Variants in CPQ observed in about 807,000 individuals in gnomAD.
CPQ encodes Ser-Met dipeptidase.
In CPQ, 37 loss-of-function variants were observed where a neutral mutation model predicts 45.7. The observed-to-expected ratio is 0.81, with a 90% confidence interval of 0.62 to 1.07. The LOEUF is 1.07. Ranked by LOEUF, CPQ falls within the 50% of genes least tolerant of loss-of-function variation. The pLI is 0.00. For missense variants in CPQ, 537 were observed against 572.9 expected, an observed-to-expected ratio of 0.94 and a Z score of 0.64; for synonymous variants, 186 against 205.8, an observed-to-expected ratio of 0.90 and a Z score of 0.82.
At chr8:96,794,070 A>G (rs1179300547) in intron 2 of CPQ, among the ~76,000 whole-genome samples, 1 of 152,182 alleles carries the variant, frequency 6.6e-6, no homozygotes, top group Non-Finnish European at 1.5e-5. Context: ...TCTTGAGGAC[A>G]GTGGCCCTCT....
chr8:96,710,188 T>C (rs558646968), intron 1 of CPQ, among the ~76,000 whole-genome samples: 4 of 151,018 alleles, frequency 2.6e-5, no homozygotes, highest in South Asian at 4.2e-4. Context: ...GAAGTGTTCA[T>C]AGTAGTCTCG....
At chr8:97,127,439 A>G (rs112398250) in intron 7 of CPQ, among the ~76,000 whole-genome samples, 1 of 152,174 alleles carries the variant, frequency 6.6e-6, no homozygotes, top group Admixed American at 6.5e-5. Flanking sequence ...GTGGCTCCCA[A>G]CACTTTGGGA....
rs767885584 is a variant in CPQ, at chr8:96,834,981, G to A, written c.442G>A (p.Ala148Thr). 1.9e-6 allele frequency: 3 copies of A among 1,612,078 alleles called. No homozygotes were observed. Among genetic ancestry groups the A allele is most frequent in the Non-Finnish European group, 2.5e-6 (3 of 1,179,184 alleles). Residue 148 changes from alanine to threonine, a missense_variant, in exon 3 of 8, where the codon GCA becomes ACA. Transcript: ENST00000220763. ...ATGACTTTTATTTCTAGGCATTACAGCAGAAGTTCTGGTGGTGACCTCTTT... is the reference window on the plus strand; with the variant it reads ...ATGACTTTTATTTCTAGGCATTACAACAGAAGTTCTGGTGGTGACCTCTTT... ...SIGTPPEGIT[A>T]EVLVVTSFDE...
intron 3 of CPQ, among the ~76,000 whole-genome samples, chr8:96,844,101 T>G (rs756476725): frequency 6.6e-6 from 1 of 152,242 alleles, no homozygotes; most frequent in Non-Finnish European, 1.5e-5. Flanking sequence ...CATGTTTTTC[T>G]GAATCTCTAG....
At position 97,115,545 on chromosome 8, in the gene CPQ, A is replaced by G. The variant is rs146956198; in HGVS notation, c.1256-27475A>G. On this transcript the variant is annotated intron_variant, in intron 7 of 7. Coordinates refer to ENST00000220763, the MANE Select transcript of CPQ (RefSeq NM_016134.4). ...GTTGTTGAAACCAGACTTCATGGCA[A>G]TTTGAAAACGTCTGTGCCATTTTTA... is the stretch of plus-strand genomic sequence containing the variant. 2.0e-3 allele frequency among the ~76,000 whole-genome samples: 307 copies of G among 152,356 alleles called. 2 individuals are homozygous for G. Among genetic ancestry groups the G allele is most frequent in the African/African-American group, 7.2e-3 (299 of 41,590 alleles).
intron 6 of CPQ, among the ~76,000 whole-genome samples, chr8:97,064,946 C>T (rs1810613094): frequency 1.3e-5 from 2 of 152,144 alleles, no homozygotes; most frequent in South Asian, 4.1e-4. Flanking sequence ...CAGATCCTTT[C>T]CTATAAAACA....
intron 1 of CPQ, among the ~76,000 whole-genome samples, chr8:96,758,720 T>C (rs1285442279): frequency 1.3e-5 from 2 of 152,176 alleles, no homozygotes; most frequent in Non-Finnish European, 2.9e-5. Context: ...TCTTCTTTTT[T>C]GTTTTCTGTT....
chr8:96,765,153 G>A (rs1331803879), intron 1 of CPQ, among the ~76,000 whole-genome samples: 3 of 152,146 alleles, frequency 2.0e-5, no homozygotes, highest in South Asian at 4.1e-4. Flanking sequence ...AGTGTTTGGC[G>A]CAATAGCCCA....
intron 7 of CPQ, among the ~76,000 whole-genome samples, chr8:97,093,283 C>T (rs186992000): frequency 3.9e-5 from 6 of 152,268 alleles, no homozygotes; most frequent in Admixed American, 3.9e-4. Flanking sequence ...GAACTTAAAA[C>T]AGGACCTACC....
intron 2 of CPQ, among the ~76,000 whole-genome samples, chr8:96,795,320 A>T (rs1048284278): frequency 1.9e-4 from 29 of 152,070 alleles, no homozygotes; most frequent in Non-Finnish European, 3.2e-4. Context: ...AAACGATGAG[A>T]TCTTGTGAGA....
intron 1 of CPQ, among the ~76,000 whole-genome samples, chr8:96,705,019 G>A (rs566397956): frequency 3.3e-5 from 5 of 152,238 alleles, no homozygotes; most frequent in Admixed American, 3.3e-4. Context: ...AGAGTGTAGA[G>A]TAACAAAAAC....
At chr8:96,894,435 G>T (rs140499288) in intron 4 of CPQ, among the ~76,000 whole-genome samples, 142 of 152,282 alleles carry the variant, frequency 9.3e-4, no homozygotes, top group Admixed American at 1.6e-3. Context: ...GGAACTTATA[G>T]GTGGACAAGG....
At chr8:96,770,090 T>C (rs949241553) in intron 1 of CPQ, among the ~76,000 whole-genome samples, 1 of 152,190 alleles carries the variant, frequency 6.6e-6, no homozygotes, top group Non-Finnish European at 1.5e-5. Context: ...ACTTCTCACA[T>C]GTAAACAGTA....
At chr8:97,087,674 A>G (rs1472929960) in intron 7 of CPQ, among the ~76,000 whole-genome samples, 1 of 152,216 alleles carries the variant, frequency 6.6e-6, no homozygotes. Flanking sequence ...TCTAATCCTC[A>G]ACATCACAAA....
intron 4 of CPQ, among the ~76,000 whole-genome samples, chr8:96,929,524 C>T (rs1335389221): frequency 2.0e-5 from 3 of 152,144 alleles, no homozygotes; most frequent in East Asian, 1.9e-4. Flanking sequence ...GTGATACCCC[C>T]TCCTGTTACT....
At chr8:96,801,327 A>G (rs529110281) in intron 2 of CPQ, among the ~76,000 whole-genome samples, 11 of 152,134 alleles carry the variant, frequency 7.2e-5, no homozygotes, top group Non-Finnish European at 1.6e-4. Flanking sequence ...CATGAGGTTA[A>G]GATAGATATA....
chr8:97,104,819 A>C (rs1455780921), intron 7 of CPQ, among the ~76,000 whole-genome samples: 2 of 152,134 alleles, frequency 1.3e-5, no homozygotes, highest in Non-Finnish European at 2.9e-5. Context: ...ATCATCCCTG[A>C]GGGTGAAGTC....
intron 5 of CPQ, among the ~76,000 whole-genome samples, chr8:97,000,284 TTCATGAATCTTCA>T (rs1809252462): frequency 6.6e-6 from 1 of 152,080 alleles, no homozygotes; most frequent in South Asian, 2.1e-4. Context: ...GCAGTTGCTT[TTCATGAATCTTCA>T]TCATGAAATC....
chr8:96,924,222 C>T (rs556477269), intron 4 of CPQ, among the ~76,000 whole-genome samples: 8 of 152,294 alleles, frequency 5.3e-5, no homozygotes, highest in Middle Eastern at 3.4e-3. Flanking sequence ...CTCTGTGTTA[C>T]CACCCCCAAC....
Sources: gnomAD v4.1 joint callset for allele counts (sites outside exome capture counted in the v4.1 genomes callset) on GRCh38, gnomAD v4.1.1 for gene constraint, MANE v1.5 for transcripts, NCBI Gene and HGNC (gene_info 2026-07-23, HGNC 2026-07-21) for gene names.